The following ZNF75D variants were observed in gnomAD, a reference collection of about 807,000 sequenced individuals.
ZNF75D encodes the protein zinc finger protein 75.
A neutral mutation model predicts 33.3 loss-of-function variants in ZNF75D; 33 were observed. The observed-to-expected ratio is 0.99, with a 90% CI of 0.75 to 1.32. The LOEUF is 1.32. Among genes scored for constraint, ZNF75D ranks in the 40% most tolerant of loss-of-function variants. The pLI, the probability that ZNF75D is intolerant of heterozygous loss-of-function variation, is 0.00. For synonymous variants in ZNF75D, 113 were observed against 130.6 expected (o/e 0.87, Z 0.92); for missense variants, 338 against 367.5 (o/e 0.92, Z 0.66).
At chrX:135,312,202 T>C (rs57882065) in intron 1 of ZNF75D, among the ~76,000 whole-genome samples, 40 of 111,591 alleles carry the variant, frequency 3.6e-4, no homozygotes, top group African/African-American at 1.2e-3. Context: ...TCTCCCTCTA[T>C]GAGATCAACG....
At chrX:135,284,839 T>C (rs1200441409), downstream of ZNF75D, among the ~76,000 whole-genome samples, 5 of 111,804 alleles carry the variant, frequency 4.5e-5, no homozygotes. Context: ...CTTTGCTGAT[T>C]CTCATGAGTA....
At chrX:135,294,810 T>A (rs2084100907) in intron 2 of ZNF75D, among the ~76,000 whole-genome samples, 1 of 111,634 alleles carries the variant, frequency 9.0e-6, no homozygotes, top group Non-Finnish European at 1.9e-5. Context: ...GACAGCAAGA[T>A]CAGAGTAGAA....
Position 135,285,971 on chromosome X carries a change from T to G in ZNF75D, c.*1166A>C. 1 of 112,432 alleles carries G rather than the reference T, an allele frequency of 8.9e-6. No homozygotes were observed. Among genetic ancestry groups the G allele is most frequent in the South Asian group, 3.7e-4 (1 of 2,678 alleles). The allele number at this position is 112,432 out of a possible 1,213,427, so 9.3% of individuals were successfully genotyped here. A position where few individuals can be genotyped will look rare whatever the true frequency, so the allele number is the denominator to read the frequency against. On this transcript the variant is annotated 3_prime_UTR_variant, in exon 7 of 7. Coordinates refer to ENST00000370766, the MANE Select transcript of ZNF75D (RefSeq NM_007131.5). ...CCTTCCAACTTCCCTTGACGTCACA[T>G]TATCTTCTCTTAAGAGATAGTCACT...
intron 2 of ZNF75D, chrX:135,253,467 G>A: frequency 3.4e-6 from 1 of 291,851 alleles, no homozygotes; most frequent in Admixed American, 6.3e-5. Context: ...AGCAACTCTA[G>A]GGTGGACATG....
At chrX:135,249,604 C>T (rs1269803629) in intron 3 of ZNF75D, among the ~76,000 whole-genome samples, 8 of 107,212 alleles carry the variant, frequency 7.5e-5, no homozygotes, top group Non-Finnish European at 1.2e-4. Context: ...CTTGCATAAT[C>T]CTTCACATTT....
chrX:135,260,403 G>A (rs782596974), intron 1 of ZNF75D, among the ~76,000 whole-genome samples: 7 of 105,724 alleles, frequency 6.6e-5, no homozygotes, highest in East Asian at 2.8e-4. Flanking sequence ...GGTAGAATTC[G>A]GCTGTGAATC....
At chrX:135,301,892 G>A (rs924170428) in intron 1 of ZNF75D, among the ~76,000 whole-genome samples, 13 of 112,327 alleles carry the variant, frequency 1.2e-4, no homozygotes, top group Admixed American at 3.7e-4. Flanking sequence ...CTCCATGAGG[G>A]CTCTGCTCCT....
At chrX:135,303,127 C>T (rs781866695) in intron 1 of ZNF75D, among the ~76,000 whole-genome samples, 10 of 111,417 alleles carry the variant, frequency 9.0e-5, no homozygotes, top group East Asian at 8.5e-4. Context: ...AGCCCCAAGG[C>T]GGTTTTCCCC....
chrX:135,324,425 A>G (rs2084535599), intron 1 of ZNF75D, among the ~76,000 whole-genome samples: 1 of 112,908 alleles, frequency 8.9e-6, no homozygotes, highest in African/African-American at 3.2e-5. Flanking sequence ...TACCTGTTAA[A>G]TTAATAATAA....
intron 1 of ZNF75D, among the ~76,000 whole-genome samples, chrX:135,312,061 G>A (rs997594794): frequency 4.5e-5 from 5 of 110,962 alleles, no homozygotes; most frequent in Non-Finnish European, 9.4e-5. Context: ...AACTATAGTC[G>A]CCTTACTTTG....
intron 1 of ZNF75D, among the ~76,000 whole-genome samples, chrX:135,273,534 G>A (rs2083890241): frequency 9.0e-6 from 1 of 111,097 alleles, no homozygotes; most frequent in Non-Finnish European, 1.9e-5. Context: ...AAATCATAAG[G>A]ATGCTAAAAG....
At chrX:135,263,528 C>T (rs973578676) in intron 1 of ZNF75D, among the ~76,000 whole-genome samples, 18 of 112,873 alleles carry the variant, frequency 1.6e-4, no homozygotes, top group Non-Finnish European at 3.2e-4. Flanking sequence ...CAATGGCGGA[C>T]GCCCCTCCCC....
intron 1 of ZNF75D, among the ~76,000 whole-genome samples, chrX:135,324,292 T>C (rs1374802816): frequency 8.9e-6 from 1 of 112,208 alleles, no homozygotes; most frequent in African/African-American, 3.2e-5. Flanking sequence ...GGAACTTGGA[T>C]ACACATTTAC....
chrX:135,326,546 G>A (rs1258859627), intron 1 of ZNF75D, among the ~76,000 whole-genome samples: 3 of 112,108 alleles, frequency 2.7e-5, no homozygotes, highest in African/African-American at 9.7e-5. Context: ...AATAAATGCA[G>A]GCTGCCTGAG....
At chrX:135,331,772 G>C (rs185096416) in intron 1 of ZNF75D, among the ~76,000 whole-genome samples, 2 of 111,227 alleles carry the variant, frequency 1.8e-5, no homozygotes, top group Non-Finnish European at 3.8e-5. Context: ...CATCTAAGGC[G>C]CTGTTACTGT....
rs375579042 is a variant in ZNF75D at position 135,330,916 on chromosome X, C to CT, written c.-391+10851dup. 7.3e-5 allele frequency among the ~76,000 whole-genome samples: 8 copies of CT among 109,641 alleles called. No homozygotes were observed. The South Asian group carries it at 1.2e-3, about 16-fold the overall frequency. ...CAGATTTCTTCCACCATAAATCTTT[C>CT]TTTTTTTTTCAAAGCAAGGGAGTAC... On this transcript the variant is annotated intron_variant, in intron 1 of 6. Coordinates refer to ENST00000370766, the MANE Select transcript of ZNF75D (RefSeq NM_007131.5).
chrX:135,313,776 T>C (rs1172862722), intron 1 of ZNF75D, among the ~76,000 whole-genome samples: 1 of 111,943 alleles, frequency 8.9e-6, no homozygotes, highest in Admixed American at 9.5e-5. Flanking sequence ...GTCTTCTTGC[T>C]TTCTTTTTCA....
At chrX:135,318,735 T>C (rs2084457688) in intron 1 of ZNF75D, among the ~76,000 whole-genome samples, 2 of 111,408 alleles carry the variant, frequency 1.8e-5, no homozygotes, top group Admixed American at 9.5e-5. Context: ...GGTTTAGAAA[T>C]GGTATACCAA....
At chrX:135,328,825 G>GT (rs2084615340) in intron 1 of ZNF75D, among the ~76,000 whole-genome samples, 1 of 111,844 alleles carries the variant, frequency 8.9e-6, no homozygotes, top group South Asian at 3.7e-4. Flanking sequence ...GTTTTTGTGG[G>GT]TTTTTGGTTT....
Sources: gnomAD v4.1 joint callset for allele counts (sites outside exome capture counted in the v4.1 genomes callset) on GRCh38, gnomAD v4.1.1 for gene constraint, MANE v1.5 for transcripts, NCBI Gene and HGNC (gene_info 2026-07-23, HGNC 2026-07-21) for gene names.